Variants in TF observed in about 807,000 individuals in gnomAD.
TF encodes transferrin, also known as serotransferrin.
Under a neutral mutation model 82.4 loss-of-function variants are expected in TF, and 55 were observed. The observed-to-expected ratio is 0.67, with a 90% CI of 0.54 to 0.84. The LOEUF (loss-of-function observed/expected upper bound fraction) is 0.84. Among genes scored for constraint, TF ranks in the 40% least tolerant of loss-of-function variants. The pLI, the probability that TF is intolerant of heterozygous loss-of-function variation, is 0.00. For missense variants in TF, 737 were observed against 868.4 expected (o/e 0.85, Z 1.90); for synonymous variants, 332 against 332.6 (o/e 1.00, Z 0.02).
the TF span, chr3:133,704,347 T>C: frequency 9.0e-6 from 2 of 221,218 alleles, no homozygotes; most frequent in Non-Finnish European, 2.0e-5. Flanking sequence ...CTCCATTTTT[T>C]CTGTCCACAG....
At chr3:133,772,930 T>G (rs1934294692) in intron 14 of TF, 1 of 152,220 alleles carries the variant, frequency 6.6e-6, no homozygotes, top group African/African-American at 2.4e-5. Context: ...GTTATTAATT[T>G]GTTGCTTTTT....
the TF span, among the ~76,000 whole-genome samples, chr3:133,670,917 C>G: frequency 6.6e-6 from 1 of 152,170 alleles, no homozygotes; most frequent in East Asian, 1.9e-4. Context: ...GAGAAGCCAG[C>G]CGAACTGATG....
the TF span, among the ~76,000 whole-genome samples, chr3:133,715,701 GC>G: frequency 8.6e-5 from 13 of 151,926 alleles, no homozygotes; most frequent in Non-Finnish European, 1.8e-4. Flanking sequence ...ATCTGTTCAG[GC>G]CCCAAACTGC....
At chr3:133,710,299 C>T in the TF span, 2 of 152,394 alleles carry the variant, frequency 1.3e-5, no homozygotes, top group East Asian at 1.9e-4. Context: ...ACCCTATTAC[C>T]TGCTCTCTTT....
rs1051905276 is a variant in TF, at chr3:133,790,045, G to A, written c.*11425G>A. ...AAATGTGGTTAACAGGGAAATAACT[G>A]ACTTTAAAAGATAGTGTCTAACATT... On this transcript the variant is annotated 3_prime_UTR_variant, in exon 17 of 17. Coordinates refer to ENST00000402696, the MANE Select transcript of TF (RefSeq NM_001063.4). 6.6e-6 allele frequency: 1 copy of A among 152,016 alleles called. No homozygotes were observed. Among genetic ancestry groups the A allele is most frequent in the African/African-American group, 2.4e-5 (1 of 41,386 alleles). The allele number at this position is 152,016 out of a possible 1,614,324, so 9.4% of individuals were successfully genotyped here.
chr3:133,754,299 A>T (rs556343753), intron 3 of TF, among the ~76,000 whole-genome samples, 196 bp from the exon 4 acceptor site: 3 of 152,244 alleles, frequency 2.0e-5, no homozygotes, highest in African/African-American at 7.2e-5. Context: ...GAGGGGTAAT[A>T]TTATAAATAT....
At chr3:133,718,283 G>T in the TF span, among the ~76,000 whole-genome samples, 2 of 152,146 alleles carry the variant, frequency 1.3e-5, no homozygotes, top group Non-Finnish European at 2.9e-5. Context: ...TTGAGTAAGA[G>T]AAAGAGTATA....
At chr3:133,678,293 C>T in the TF span, among the ~76,000 whole-genome samples, 1 of 152,166 alleles carries the variant, frequency 6.6e-6, no homozygotes, top group Non-Finnish European at 1.5e-5. Flanking sequence ...CTAGTCTTTG[C>T]TCTTGTGAAT....
chr3:133,717,560 C>A, the TF span, among the ~76,000 whole-genome samples: 1 of 152,148 alleles, frequency 6.6e-6, no homozygotes, highest in Non-Finnish European at 1.5e-5. Context: ...TATAAAGGAG[C>A]AGTCAAACAA....
At chr3:133,687,461 T>C in the TF span, among the ~76,000 whole-genome samples, 1 of 152,210 alleles carries the variant, frequency 6.6e-6, no homozygotes, top group Admixed American at 6.5e-5. Flanking sequence ...CATTCAAAAG[T>C]GTACAAATCA....
At chr3:133,751,061 A>T (rs976861387) in intron 2 of TF, among the ~76,000 whole-genome samples, 1 of 152,154 alleles carries the variant, frequency 6.6e-6, no homozygotes, top group Non-Finnish European at 1.5e-5. Flanking sequence ...TTACAACCCA[A>T]ATATCCATTG....
At chr3:133,674,177 C>T in the TF span, among the ~76,000 whole-genome samples, 1 of 152,224 alleles carries the variant, frequency 6.6e-6, no homozygotes, top group Non-Finnish European at 1.5e-5. Flanking sequence ...GCCCCCGAAT[C>T]CCTAAGCTTT....
At chr3:133,693,055 G>C in the TF span, 1 of 152,476 alleles carries the variant, frequency 6.6e-6, no homozygotes, top group South Asian at 2.1e-4. Context: ...AAGATGGAGT[G>C]AGGGTAACCT....
At chr3:133,686,204 G>C in the TF span, among the ~76,000 whole-genome samples, 2 of 152,118 alleles carry the variant, frequency 1.3e-5, no homozygotes, top group African/African-American at 4.8e-5. Context: ...AATTCGAGAT[G>C]GATTAAAGAC....
rs150290775 is a variant in TF, at chr3:133,766,263, G to A, written c.1331-15G>A. 6 of 1,613,948 alleles carry A rather than the reference G, an allele frequency of 3.7e-6. No individual in the cohort carries two copies. In the East Asian group the frequency reaches 1.1e-4, roughly 30 times the overall value. On this transcript the variant is annotated splice_polypyrimidine_tract_variant and intron_variant, in intron 11 of 16. Coordinates refer to ENST00000402696, the MANE Select transcript of TF (RefSeq NM_001063.4). Reference sequence around the variant, plus strand: ...AGAGGTGTTAATACATCCTTTTCTGGTGTCTTTCTTGTAGGGTATTTTGCT... The same window carrying A: ...AGAGGTGTTAATACATCCTTTTCTGATGTCTTTCTTGTAGGGTATTTTGCT...
chr3:133,672,411 A>G, the TF span, among the ~76,000 whole-genome samples: 3 of 152,076 alleles, frequency 2.0e-5, no homozygotes, highest in Non-Finnish European at 2.9e-5. Context: ...ATTAAGATAA[A>G]GAAACCTGCA....
At chr3:133,762,068 G>A (rs1363765652) in intron 9 of TF, 1 of 187,546 alleles carries the variant, frequency 5.3e-6, no homozygotes, top group Non-Finnish European at 1.2e-5. Flanking sequence ...ATGGACAGAA[G>A]TGATTATGTC....
At chr3:133,754,726 C>A (rs934936098) in intron 4 of TF, 55 bp downstream of exon 4, 10 of 1,576,138 alleles carry the variant, frequency 6.3e-6, no homozygotes, top group African/African-American at 5.4e-5. Flanking sequence ...TCCAGATGCC[C>A]ACACAGGCTG....
At chr3:133,775,256 C>G in intron 14 of TF, 177 bp from the exon 15 acceptor site, 2 of 676,726 alleles carry the variant, frequency 3.0e-6, no homozygotes, top group Non-Finnish European at 5.3e-6. Flanking sequence ...GTGAGTCTGG[C>G]ATCACCTTGT....
Sources: gnomAD v4.1 joint callset for allele counts (sites outside exome capture counted in the v4.1 genomes callset) on GRCh38, gnomAD v4.1.1 for gene constraint, MANE v1.5 for transcripts, NCBI Gene and HGNC (gene_info 2026-07-23, HGNC 2026-07-21) for gene names.